Variants in ZPBP observed in about 807,000 individuals in gnomAD.
The protein encoded by ZPBP is zona pellucida-binding protein 1.
ZPBP carries 26 observed loss-of-function variants against 44.8 expected under a neutral mutation model. The observed-to-expected ratio is 0.58, with a 90% CI of 0.43 to 0.81. ZPBP has a LOEUF of 0.81. Ranked by LOEUF, ZPBP falls within the 30% of genes least tolerant of loss-of-function variation. ZPBP has a pLI of 0.00. For synonymous variants in ZPBP, 174 were observed against 153.2 expected (o/e 1.14, Z -1.00); for missense variants, 409 against 434.0 (o/e 0.94, Z 0.51).
intron 3 of ZPBP, among the ~76,000 whole-genome samples, chr7:50,071,267 A>G (rs1279033858): frequency 1.3e-5 from 2 of 152,098 alleles, no homozygotes; most frequent in Admixed American, 6.5e-5. Flanking sequence ...CAGAAAGGAA[A>G]AGCAGACCAA....
intron 6 of ZPBP, among the ~76,000 whole-genome samples, chr7:50,007,025 T>C (rs1482830402): frequency 6.6e-6 from 1 of 151,844 alleles, no homozygotes; most frequent in Non-Finnish European, 1.5e-5. Context: ...TGAATGGGAT[T>C]AGTGCCCTAA....
intron 3 of ZPBP, among the ~76,000 whole-genome samples, chr7:50,069,535 G>A (rs557314871): frequency 9.2e-5 from 14 of 152,262 alleles, no homozygotes; most frequent in African/African-American, 2.4e-4. Context: ...TAAAACACAC[G>A]ACCAATTTCT....
downstream of ZPBP, among the ~76,000 whole-genome samples, chr7:49,847,939 T>C (rs1226003840): frequency 6.6e-6 from 1 of 152,168 alleles, no homozygotes; most frequent in African/African-American, 2.4e-5. Context: ...GGGTTAGCAC[T>C]GGGAGGGGCA....
intron 1 of ZPBP, among the ~76,000 whole-genome samples, chr7:49,929,813 A>C (rs1289613417): frequency 6.6e-6 from 1 of 152,230 alleles, no homozygotes; most frequent in Non-Finnish European, 1.5e-5. Flanking sequence ...GCAGAGGAGA[A>C]TGGGGACATT....
At chr7:50,034,606 C>T (rs1799745932) in intron 4 of ZPBP, among the ~76,000 whole-genome samples, 1 of 151,888 alleles carries the variant, frequency 6.6e-6, no homozygotes, top group African/African-American at 2.4e-5. Flanking sequence ...AAAATGATTC[C>T]AACTAAATAC....
chr7:49,945,614 T>C (rs1481101508), intron 7 of ZPBP, among the ~76,000 whole-genome samples: 4 of 152,142 alleles, frequency 2.6e-5, no homozygotes, highest in Non-Finnish European at 5.9e-5. Flanking sequence ...GTTTTTATGC[T>C]TTTTGTCTTG....
chr7:49,951,359 AAAAC>A (rs1795335817), intron 7 of ZPBP, among the ~76,000 whole-genome samples: 1 of 151,640 alleles, frequency 6.6e-6, no homozygotes, highest in Admixed American at 6.6e-5. Context: ...TTACTACTCA[AAAAC>A]AAACAAAATC....
At chr7:49,864,721 T>C (rs1790807649) in intron 2 of ZPBP, among the ~76,000 whole-genome samples, 1 of 152,212 alleles carries the variant, frequency 6.6e-6, no homozygotes, top group African/African-American at 2.4e-5. Context: ...CAAACAGACA[T>C]GCACAATAAT....
chr7:50,081,883 C>T lies in ZPBP; in HGVS notation c.225G>A (p.Met75Ile), dbSNP rs1251744469. ...ACACGTGTGGACTCTTTTGATGGAG[C>T]ATGACATACGCTTTCACTGAAAATA... The part of the protein sequence containing the change: ...STSFPVKAYV[M>I]LHQKSPHVLC... The change falls in exon 3 of 8, where the codon ATG becomes ATA. Residue 75 changes from methionine to isoleucine, a missense_variant. Coordinates refer to ENST00000046087, the MANE Select transcript of ZPBP (RefSeq NM_007009.3). 1.2e-6 allele frequency: 2 copies of T among 1,610,944 alleles called. No homozygotes were observed. Among genetic ancestry groups the T allele is most frequent in the Non-Finnish European group, 1.7e-6 (2 of 1,177,938 alleles).
chr7:49,866,728 C>T (rs1451707160), intron 2 of ZPBP, among the ~76,000 whole-genome samples: 2 of 152,238 alleles, frequency 1.3e-5, no homozygotes, highest in Non-Finnish European at 2.9e-5. Flanking sequence ...GCATCTGCTT[C>T]AGAGGATGAT....
chr7:49,893,502 A>G (rs1272433850), intron 2 of ZPBP, among the ~76,000 whole-genome samples: 1 of 152,180 alleles, frequency 6.6e-6, no homozygotes, highest in Non-Finnish European at 1.5e-5. Context: ...TTGAACTCTT[A>G]GTTAAAAATG....
intron 2 of ZPBP, among the ~76,000 whole-genome samples, chr7:49,886,463 T>A (rs1791908348): frequency 6.6e-6 from 1 of 152,232 alleles, no homozygotes; most frequent in Non-Finnish European, 1.5e-5. Context: ...TTTCTTTAAC[T>A]ATTTCATTGG....
At chr7:49,998,397 C>T (rs190608517) in intron 6 of ZPBP, among the ~76,000 whole-genome samples, 7 of 152,268 alleles carry the variant, frequency 4.6e-5, no homozygotes, top group Admixed American at 2.0e-4. Context: ...ATACTTGAGC[C>T]GGGAATTCAA....
At chr7:49,884,193 A>G (rs1349479485) in intron 2 of ZPBP, among the ~76,000 whole-genome samples, 1 of 152,216 alleles carries the variant, frequency 6.6e-6, no homozygotes, top group Non-Finnish European at 1.5e-5. Flanking sequence ...AGAAGGGTCC[A>G]GGCTGCTGGC....
chr7:50,063,979 T>C (rs1195057107), intron 3 of ZPBP, among the ~76,000 whole-genome samples: 1 of 152,142 alleles, frequency 6.6e-6, no homozygotes, highest in Non-Finnish European at 1.5e-5. Context: ...TAATATTTAA[T>C]GATTTTTTCA....
intron 6 of ZPBP, among the ~76,000 whole-genome samples, chr7:50,014,241 A>G (rs1044759795): frequency 6.6e-6 from 1 of 152,052 alleles, no homozygotes; most frequent in Non-Finnish European, 1.5e-5. Flanking sequence ...CCTTTTTGAG[A>G]AAATTGACAT....
chr7:50,076,577 C>CA (rs960967305), intron 3 of ZPBP, among the ~76,000 whole-genome samples: 1 of 151,440 alleles, frequency 6.6e-6, no homozygotes, highest in Non-Finnish European at 1.5e-5. Context: ...GATCAACATA[C>CA]AAAAATCAGT....
At chr7:49,977,744 G>A (rs1281787856) in intron 7 of ZPBP, among the ~76,000 whole-genome samples, 1 of 152,156 alleles carries the variant, frequency 6.6e-6, no homozygotes, top group African/African-American at 2.4e-5. Flanking sequence ...AATAATCAGT[G>A]GCAAACAGTC....
chr7:50,075,887 T>C (rs1227709164), intron 3 of ZPBP, among the ~76,000 whole-genome samples: 10 of 151,858 alleles, frequency 6.6e-5, no homozygotes, highest in Admixed American at 6.6e-4. Flanking sequence ...GAGGGAATAT[T>C]TCCAAACTTA....
Sources: gnomAD v4.1 joint callset for allele counts (sites outside exome capture counted in the v4.1 genomes callset) on GRCh38, gnomAD v4.1.1 for gene constraint, MANE v1.5 for transcripts, NCBI Gene and HGNC (gene_info 2026-07-23, HGNC 2026-07-21) for gene names.